SYNPR: variants seen among roughly 807,000 people sequenced by gnomAD.
SYNPR encodes synaptoporin.
SYNPR carries 23 observed loss-of-function variants against 32.9 expected under a neutral mutation model. The ratio of observed to expected loss-of-function variants is 0.70; its 90% CI spans 0.50 to 0.99. SYNPR has a LOEUF of 0.99. SYNPR is among the 50% of genes least tolerant of loss of function. The pLI, the probability that SYNPR is intolerant of heterozygous loss-of-function variation, is 0.00. For missense variants in SYNPR, 318 were observed against 349.3 expected (o/e 0.91, Z 0.71); for synonymous variants, 146 against 135.9 (o/e 1.07, Z -0.52).
intron 1 of SYNPR, among the ~76,000 whole-genome samples, chr3:63,246,754 G>A (rs765361832): frequency 9.2e-5 from 14 of 151,902 alleles, no homozygotes; most frequent in Non-Finnish European, 1.8e-4. Flanking sequence ...TGCTGTACGG[G>A]GCCTCAGGAT....
chr3:63,355,086 C>T lies in SYNPR; in HGVS notation c.84+76344C>T, dbSNP rs139765572. 9.1e-4 allele frequency among the ~76,000 whole-genome samples: 138 copies of T among 152,230 alleles called. No individual in the cohort carries two copies. The East Asian group carries it at 0.025, about 28-fold the overall frequency. On this transcript the variant is annotated intron_variant, in intron 2 of 5. Coordinates refer to ENST00000478300, the MANE Select transcript of SYNPR (RefSeq NM_001130003.2). ...TTGATGTCAGGAGTTCAAAACCAGC[C>T]TGGCCAACATGGTAAAACCCCGTCT...
chr3:63,572,711 G>A (rs1702909674), intron 4 of SYNPR, among the ~76,000 whole-genome samples: 2 of 152,108 alleles, frequency 1.3e-5, no homozygotes, highest in African/African-American at 4.8e-5. Flanking sequence ...AAATTAGAAA[G>A]GTTCTATTAA....
intron 2 of SYNPR, among the ~76,000 whole-genome samples, chr3:63,254,903 G>A (rs1460436535): frequency 6.6e-6 from 1 of 152,166 alleles, no homozygotes; most frequent in Non-Finnish European, 1.5e-5. Flanking sequence ...GGAACAGAGG[G>A]AAGATCATGT....
chr3:63,387,746 G>A (rs887261671), intron 2 of SYNPR, among the ~76,000 whole-genome samples: 3 of 152,170 alleles, frequency 2.0e-5, no homozygotes, highest in Non-Finnish European at 4.4e-5. Flanking sequence ...GCATTATGTA[G>A]TGGAGGCTAT....
Position 63,615,663 on chromosome 3 carries a change from G to A in SYNPR, c.*182G>A, listed in dbSNP as rs1008681101. Reference sequence around the variant, plus strand: ...GAAAAATGATACTTAGAGATGAGGCGACATGAGGAGATATATTATTCATCA... The same window carrying A: ...GAAAAATGATACTTAGAGATGAGGCAACATGAGGAGATATATTATTCATCA... On this transcript the variant is annotated 3_prime_UTR_variant, in exon 6 of 6. Transcript: ENST00000478300. The A allele has an allele frequency of 1.7e-5, 12 of 715,734 alleles. No homozygotes were observed. Among genetic ancestry groups the A allele is most frequent in the Middle Eastern group, 4.0e-4 (1 of 2,500 alleles). 44.3% of individuals were successfully genotyped at this position (715,734 alleles called of 1,614,324 possible). A position where few individuals can be genotyped will look rare whatever the true frequency, so the allele number is the denominator to read the frequency against.
chr3:63,451,878 A>AT (rs1438075418), intron 2 of SYNPR, among the ~76,000 whole-genome samples: 4 of 151,904 alleles, frequency 2.6e-5, no homozygotes, highest in East Asian at 3.9e-4. Flanking sequence ...GTTAGCTCAA[A>AT]TTTTTTTTGA....
the SYNPR span, among the ~76,000 whole-genome samples, chr3:63,202,906 G>A: frequency 4.1e-4 from 63 of 151,878 alleles, 1 homozygote; most frequent in African/African-American, 1.4e-3. Flanking sequence ...CACAGTTTGG[G>A]AAACTTTGTT....
chr3:63,496,321 T>G (rs1456914511), intron 3 of SYNPR, among the ~76,000 whole-genome samples: 1 of 152,056 alleles, frequency 6.6e-6, no homozygotes, highest in Non-Finnish European at 1.5e-5. Context: ...AGAATAATTA[T>G]AAATATATTT....
chr3:63,323,536 C>A (rs746925778), intron 2 of SYNPR, among the ~76,000 whole-genome samples: 19 of 152,024 alleles, frequency 1.2e-4, no homozygotes, highest in Non-Finnish European at 2.6e-4. Context: ...CTTCTTTATA[C>A]TCCCCAAATA....
chr3:63,320,330 C>T (rs574270722), intron 2 of SYNPR, among the ~76,000 whole-genome samples: 1 of 152,118 alleles, frequency 6.6e-6, no homozygotes, highest in South Asian at 2.1e-4. Context: ...CATAACGAGG[C>T]TTAGTCCTTT....
chr3:63,610,100 G>C (rs192194568), intron 5 of SYNPR, among the ~76,000 whole-genome samples: 89 of 152,222 alleles, frequency 5.8e-4, no homozygotes, highest in South Asian at 1.4e-3. Flanking sequence ...ATGTAAAAAA[G>C]TACTTATAAT....
At chr3:63,576,399 T>C (rs1702979946) in intron 4 of SYNPR, among the ~76,000 whole-genome samples, 1 of 152,196 alleles carries the variant, frequency 6.6e-6, no homozygotes, top group African/African-American at 2.4e-5. Context: ...AGCAAAGGAA[T>C]TCCCAGTTGG....
At chr3:63,431,083 G>A (rs866294943) in intron 2 of SYNPR, among the ~76,000 whole-genome samples, 2 of 152,160 alleles carry the variant, frequency 1.3e-5, no homozygotes, top group Admixed American at 1.3e-4. Flanking sequence ...GGGCAGCAGA[G>A]CCACCAACAC....
At position 63,603,467 on chromosome 3, in the gene SYNPR, G is replaced by A. The variant is rs6765476; in HGVS notation, c.409-5658G>A. On this transcript the variant is annotated intron_variant, in intron 4 of 5. Transcript: ENST00000478300. ...CTAGCTTTTGTATATTCAGTATGAT[G>A]TTGGCTGTGGGTTTGTCATAGATAG... 8.6e-4 allele frequency among the ~76,000 whole-genome samples: 131 copies of A among 152,232 alleles called. 1 individual carries two copies. The highest frequency in any genetic ancestry group is 3.4e-3 in the Middle Eastern group (1 of 294).
At chr3:63,510,127 G>A (rs919646015) in intron 3 of SYNPR, among the ~76,000 whole-genome samples, 1 of 152,040 alleles carries the variant, frequency 6.6e-6, no homozygotes, top group African/African-American at 2.4e-5. Context: ...TAAATAAGGG[G>A]GGAACAAAAA....
At chr3:63,217,682 G>C in the SYNPR span, among the ~76,000 whole-genome samples, 1 of 151,408 alleles carries the variant, frequency 6.6e-6, no homozygotes, top group Non-Finnish European at 1.5e-5. Flanking sequence ...CGTCGCTCAC[G>C]CTGGGAGCTG....
chr3:63,426,737 G>A (rs751187498), intron 2 of SYNPR: 5 of 151,920 alleles, frequency 3.3e-5, no homozygotes, highest in Non-Finnish European at 7.4e-5. Context: ...TCTGATAGGG[G>A]GTCACAAAGT....
upstream of SYNPR, among the ~76,000 whole-genome samples, chr3:63,274,526 GT>G (rs1289975250): frequency 1.3e-5 from 2 of 152,166 alleles, no homozygotes; most frequent in Admixed American, 6.5e-5. Context: ...AAAATGGTTG[GT>G]TTGTAACTTG....
At chr3:63,461,728 C>G (rs756546940) in intron 2 of SYNPR, among the ~76,000 whole-genome samples, 1 of 151,872 alleles carries the variant, frequency 6.6e-6, no homozygotes, top group Non-Finnish European at 1.5e-5. Context: ...TGGTCCTGGG[C>G]TCAACTCCTT....
Sources: allele counts gnomAD v4.1 joint callset (sites outside exome capture counted in the v4.1 genomes callset), GRCh38; gene constraint gnomAD v4.1.1; transcripts MANE v1.5; gene names NCBI Gene and HGNC (gene_info 2026-07-23, HGNC 2026-07-21).